TAFA2: variants seen among roughly 807,000 people sequenced by gnomAD.
TAFA2 encodes TAFA chemokine like family member 2, also known as chemokine-like protein TAFA-2.
TAFA2 carries 7 observed loss-of-function variants against 18.8 expected under a neutral mutation model. The observed-to-expected ratio is 0.37, with a 90% CI of 0.21 to 0.70. The LOEUF is 0.70. Ranked by LOEUF, TAFA2 falls within the 30% of genes least tolerant of loss-of-function variation. TAFA2 has a pLI of 0.53. For synonymous variants in TAFA2, 60 were observed against 54.2 expected, an observed-to-expected ratio of 1.11 and a Z score of -0.47; for missense variants, 122 against 158.1, an observed-to-expected ratio of 0.77 and a Z score of 1.23.
chr12:62,018,351 C>T (rs1592552540), intron 1 of TAFA2, among the ~76,000 whole-genome samples: 1 of 152,250 alleles, frequency 6.6e-6, no homozygotes, highest in Non-Finnish European at 1.5e-5. Flanking sequence ...GAATAGCAAT[C>T]CATGTATATG....
intron 1 of TAFA2, among the ~76,000 whole-genome samples, chr12:62,094,185 G>A (rs558502093): frequency 1.3e-5 from 2 of 152,154 alleles, no homozygotes; most frequent in South Asian, 4.1e-4. Flanking sequence ...ATTGACTAAG[G>A]TAGCTCTTAG....
intron 1 of TAFA2, among the ~76,000 whole-genome samples, chr12:61,909,029 C>T (rs1038172939): frequency 6.6e-6 from 1 of 152,078 alleles, no homozygotes; most frequent in Admixed American, 6.6e-5. Context: ...ACTTCACTGT[C>T]GGACAGTTAC....
intron 1 of TAFA2, chr12:61,880,174 C>G: frequency 1.8e-6 from 1 of 545,010 alleles, no homozygotes; most frequent in Non-Finnish European, 3.4e-6. Context: ...TGTACCAGAT[C>G]AAGTATGAGG....
chr12:62,092,887 TC>T (rs1868780261), intron 1 of TAFA2, among the ~76,000 whole-genome samples: 1 of 151,984 alleles, frequency 6.6e-6, no homozygotes, highest in East Asian at 1.9e-4. Flanking sequence ...AATTATCTTC[TC>T]CCAAATCCCA....
rs191851219 is a variant in TAFA2, at chr12:61,864,494, C to G, written c.106+2826G>C. Among the ~76,000 whole-genome samples the G allele has an allele frequency of 3.6e-3, 539 of 150,766 alleles. 1 individual carries two copies. The highest frequency in any genetic ancestry group is 4.3e-3 in the Non-Finnish European group (294 of 67,670). On this transcript the variant is annotated intron_variant, in intron 2 of 4. Transcript: ENST00000416284. ...AGAAACCCAAAAACATGAGTGAAAA[C>G]AAAAAGCTATCAAAAGCTTGCAGAT... is the stretch of plus-strand genomic sequence containing the variant.
chr12:62,139,013 T>C (rs2062219666), intron 1 of TAFA2, among the ~76,000 whole-genome samples: 1 of 152,112 alleles, frequency 6.6e-6, no homozygotes, highest in African/African-American at 2.4e-5. Flanking sequence ...TAATTAGATA[T>C]ATAAGTGAGG....
At chr12:62,166,690 A>G (rs2062442753) in intron 1 of TAFA2, among the ~76,000 whole-genome samples, 1 of 152,296 alleles carries the variant, frequency 6.6e-6, no homozygotes, top group African/African-American at 2.4e-5. Context: ...ATCCCAAACA[A>G]GAAGCATGAA....
intron 2 of TAFA2, among the ~76,000 whole-genome samples, chr12:61,848,979 T>C (rs1170974174): frequency 4.0e-5 from 6 of 151,680 alleles, no homozygotes; most frequent in African/African-American, 1.5e-4. Flanking sequence ...GTAGCTGGGA[T>C]TACAGGCACC....
intron 1 of TAFA2, among the ~76,000 whole-genome samples, chr12:61,959,241 T>G (rs1181595103): frequency 6.6e-6 from 1 of 152,032 alleles, no homozygotes; most frequent in Non-Finnish European, 1.5e-5. Flanking sequence ...TGGCATTAAA[T>G]ATATATGTTA....
At chr12:61,736,164 T>C (rs1373915502) in intron 4 of TAFA2, among the ~76,000 whole-genome samples, 2 of 152,016 alleles carry the variant, frequency 1.3e-5, no homozygotes, top group Non-Finnish European at 2.9e-5. Context: ...TTTTATCCAC[T>C]GAGCCACTCC....
At chr12:61,716,681 A>G (rs1187570582) in intron 4 of TAFA2, among the ~76,000 whole-genome samples, 1 of 152,234 alleles carries the variant, frequency 6.6e-6, no homozygotes, top group Admixed American at 6.5e-5. Flanking sequence ...TATGAACAAT[A>G]GAAGTGAAAA....
At chr12:61,739,714 A>G (rs955812727) in intron 4 of TAFA2, among the ~76,000 whole-genome samples, 5 of 152,158 alleles carry the variant, frequency 3.3e-5, no homozygotes, top group African/African-American at 9.6e-5. Context: ...GCTCTCAACA[A>G]GTTGATTTCA....
chr12:61,953,102 A>G (rs1367146998), intron 1 of TAFA2, among the ~76,000 whole-genome samples: 1 of 152,062 alleles, frequency 6.6e-6, no homozygotes, highest in Non-Finnish European at 1.5e-5. Context: ...TCCTCCATGA[A>G]TCAATACGTT....
At chr12:61,750,921 G>T (rs1403480799) in intron 4 of TAFA2, among the ~76,000 whole-genome samples, 1 of 152,016 alleles carries the variant, frequency 6.6e-6, no homozygotes, top group Non-Finnish European at 1.5e-5. Context: ...CTTTCCAATT[G>T]TGGCTGGGAC....
chr12:62,227,479 G>C (rs2062791975), intron 1 of TAFA2, among the ~76,000 whole-genome samples: 1 of 152,092 alleles, frequency 6.6e-6, no homozygotes, highest in African/African-American at 2.4e-5. Flanking sequence ...TAAATTATTT[G>C]TTTTCTTGCT....
intron 1 of TAFA2, among the ~76,000 whole-genome samples, chr12:62,029,170 A>T (rs1881384663): frequency 6.6e-6 from 1 of 152,158 alleles, no homozygotes; most frequent in Admixed American, 6.6e-5. Flanking sequence ...TTTTGATTCT[A>T]AATGAAATCA....
At chr12:61,892,875 T>A (rs143970361) in intron 1 of TAFA2, among the ~76,000 whole-genome samples, 9 of 152,084 alleles carry the variant, frequency 5.9e-5, no homozygotes, top group South Asian at 2.1e-4. Flanking sequence ...GTTTATAGAG[T>A]GAATAAGTAA....
Position 61,780,206 on chromosome 12 carries a change from A to C in TAFA2, c.107-25182T>G, listed in dbSNP as rs117516736. On this transcript the variant is annotated intron_variant, in intron 2 of 4. Transcript: ENST00000416284. ...GTAGTGAAGCAGGATAAATGCCAAC[A>C]GGTGTACATGTGCTATGACAGGACA... Among the ~76,000 whole-genome samples the C allele has an allele frequency of 3.6e-3, 546 of 151,962 alleles. 1 individual carries two copies. The highest frequency in any genetic ancestry group is 6.2e-3 in the Non-Finnish European group (423 of 67,854).
chr12:62,240,162 T>C (rs2062855984), intron 1 of TAFA2, among the ~76,000 whole-genome samples: 1 of 152,072 alleles, frequency 6.6e-6, no homozygotes, highest in African/African-American at 2.4e-5. Flanking sequence ...CTCACATCTG[T>C]AATCCCAGCA....
Sources: gnomAD v4.1 joint callset for allele counts (sites outside exome capture counted in the v4.1 genomes callset) on GRCh38, gnomAD v4.1.1 for gene constraint, MANE v1.5 for transcripts, NCBI Gene and HGNC (gene_info 2026-07-23, HGNC 2026-07-21) for gene names.